Variants in DCP1B observed in about 807,000 individuals in gnomAD.
DCP1B encodes mRNA-decapping enzyme 1B.
DCP1B carries 47 observed loss-of-function variants against 60.5 expected under a neutral mutation model. That is an observed-to-expected ratio of 0.78 (90% CI 0.61 to 0.99). The LOEUF is 0.99. Ranked by LOEUF, DCP1B falls within the 50% of genes least tolerant of loss-of-function variation. The pLI is 0.00. For missense variants in DCP1B, 725 were observed against 756.8 expected (o/e 0.96, Z 0.49); for synonymous variants, 267 against 280.3 (o/e 0.95, Z 0.47).
intron 5 of DCP1B, among the ~76,000 whole-genome samples, chr12:1,959,221 A>G (rs2031030772): frequency 6.6e-6 from 1 of 152,260 alleles, no homozygotes; most frequent in Admixed American, 6.5e-5. Flanking sequence ...ACAGGCAACA[A>G]AAGCAAGAGA....
At chr12:1,970,405 A>T (rs2154457518) in intron 3 of DCP1B, among the ~76,000 whole-genome samples, 1 of 151,984 alleles carries the variant, frequency 6.6e-6, no homozygotes, top group Admixed American at 6.5e-5. Flanking sequence ...TTAAATAGCC[A>T]AAGGGGAAAA....
chr12:1,979,908 G>T (rs1233426001), intron 3 of DCP1B, among the ~76,000 whole-genome samples: 1 of 152,094 alleles, frequency 6.6e-6, no homozygotes, highest in Non-Finnish European at 1.5e-5. Flanking sequence ...ATGGTAAAAT[G>T]CAAATTAAAA....
Position 1,971,938 on chromosome 12 carries a change from T to C in DCP1B, c.320-4028A>G, listed in dbSNP as rs1031989302. Among the ~76,000 whole-genome samples the C allele has an allele frequency of 6.6e-6, 1 of 152,238 alleles. No homozygotes were observed. The highest frequency in any genetic ancestry group is 1.9e-4 in the East Asian group (1 of 5,206). On this transcript the variant is annotated intron_variant, in intron 3 of 8. Coordinates refer to ENST00000280665, the MANE Select transcript of DCP1B (RefSeq NM_152640.5). The surrounding 1 kb of genome is among the most constrained non-coding windows in gnomAD (Gnocchi z 4.2). Reference sequence around the variant, plus strand: ...GGACATGTGATAATGTTTGTGTAAATTTTTAAAAGAAGATATATATCCATT... The same window carrying C: ...GGACATGTGATAATGTTTGTGTAAACTTTTAAAAGAAGATATATATCCATT...
chr12:1,965,796 A>G, intron 4 of DCP1B, 103 bp from the exon 5 acceptor site: 1 of 1,337,162 alleles, frequency 7.5e-7, no homozygotes, highest in Admixed American at 3.4e-5. Context: ...TCCTGTTACA[A>G]CCATATTAGA....
rs142458598 is a variant in DCP1B, at chr12:1,949,276, A to G, written c.1583T>C (p.Met528Thr). The G allele has an allele frequency of 3.8e-4, 620 of 1,613,950 alleles. 1 individual carries two copies. The highest frequency in any genetic ancestry group is 5.1e-4 in the Non-Finnish European group (604 of 1,180,016). ...TAAPSLLMSP[M>T]VFAQPTSVPP... ...GACGGAGGTGGGTTGTGCGAACACC[A>G]TGGGGGACATAAGCAGAGACGGAGC... Residue 528 changes from methionine (M) to threonine (T), a missense_variant, in exon 8 of 9, where the codon ATG becomes ACG. Met to Thr is a moderately conservative substitution (Grantham distance 81). Coordinates refer to ENST00000280665, the MANE Select transcript of DCP1B (RefSeq NM_152640.5).
At chr12:1,985,388 A>G (rs957491166) in intron 3 of DCP1B, among the ~76,000 whole-genome samples, 1 of 152,134 alleles carries the variant, frequency 6.6e-6, no homozygotes, top group African/African-American at 2.4e-5. Context: ...TGTCATCTGC[A>G]TTTTGCTATT....
intron 7 of DCP1B, among the ~76,000 whole-genome samples, chr12:1,951,751 C>A (rs1720299920): frequency 6.6e-6 from 1 of 152,218 alleles, no homozygotes; most frequent in South Asian, 2.1e-4. Context: ...TATGTACCCA[C>A]ATGTAGACAA....
At chr12:1,988,740 T>G (rs1285563424) in intron 3 of DCP1B, among the ~76,000 whole-genome samples, 1 of 152,232 alleles carries the variant, frequency 6.6e-6, no homozygotes, top group Non-Finnish European at 1.5e-5. Context: ...GCAACTTTTA[T>G]GAAGATGGCC....
chr12:1,954,205 GA>G (rs2030796912), intron 6 of DCP1B, among the ~76,000 whole-genome samples: 1 of 150,158 alleles, frequency 6.7e-6, no homozygotes. Context: ...AAAGAGGAAA[GA>G]AAAAAAACCA....
chr12:1,946,005 C>T (rs188496340), downstream of DCP1B: 27 of 442,488 alleles, frequency 6.1e-5, no homozygotes, highest in South Asian at 9.7e-4. Flanking sequence ...ATGTTCTGTA[C>T]ATGTACCCCA....
In DCP1B at chr12:1,962,194, G is replaced by C. The variant is rs2031150404; in HGVS notation, c.522+3364C>G. On this transcript the variant is annotated intron_variant, in intron 5 of 8. Transcript: ENST00000280665. The surrounding 1 kb of genome is among the most constrained non-coding windows in gnomAD (Gnocchi z 4.4). ...TGTATGAGTGGTCCCCAGTTGCTGG[G>C]TACCTGGCCCTGGGATGATTAAGGC... 6.6e-6 allele frequency among the ~76,000 whole-genome samples: 1 copy of C among 152,172 alleles called. No homozygotes were observed. The highest frequency in any genetic ancestry group is 2.4e-5 in the African/African-American group (1 of 41,446).
At chr12:1,968,879 C>G (rs984326725) in intron 3 of DCP1B, among the ~76,000 whole-genome samples, 3 of 152,176 alleles carry the variant, frequency 2.0e-5, no homozygotes, top group African/African-American at 7.2e-5. Context: ...GCTATTGATT[C>G]ATTCAATAAT....
chr12:1,977,554 C>T (rs572393226), intron 3 of DCP1B, among the ~76,000 whole-genome samples: 2 of 152,182 alleles, frequency 1.3e-5, no homozygotes, highest in African/African-American at 2.4e-5. Flanking sequence ...CTGTACATGT[C>T]TATTTCTTAT....
rs151169288 is a variant in DCP1B at position 1,954,057 on chromosome 12, C to T, written c.652-769G>A. On this transcript the variant is annotated intron_variant, in intron 6 of 8. Coordinates refer to ENST00000280665, the MANE Select transcript of DCP1B (RefSeq NM_152640.5). Reference sequence around the variant, plus strand: ...AATTGCCAGATGTGGCAGCACACGCCTGTAGTCCCAGCTACTTGGGAGGCT... The same window carrying T: ...AATTGCCAGATGTGGCAGCACACGCTTGTAGTCCCAGCTACTTGGGAGGCT... Among the ~76,000 whole-genome samples, 831 of 152,240 alleles carry T rather than the reference C, an allele frequency of 5.5e-3. 8 individuals are homozygous for T. Among genetic ancestry groups the T allele is most frequent in the African/African-American group, 0.019 (770 of 41,544 alleles).
intron 8 of DCP1B, among the ~76,000 whole-genome samples, chr12:1,946,954 C>A (rs904157318): frequency 6.6e-6 from 1 of 152,130 alleles, no homozygotes; most frequent in South Asian, 2.1e-4. Flanking sequence ...CTTTGGCCTC[C>A]CCAAGTGTTG....
At chr12:1,966,425 T>C (rs1382853480) in intron 4 of DCP1B, among the ~76,000 whole-genome samples, 3 of 152,242 alleles carry the variant, frequency 2.0e-5, no homozygotes, top group Admixed American at 1.3e-4. Context: ...GAGGAAAATA[T>C]ACTTTCCCTT....
Position 1,953,114 on chromosome 12 carries a change from AGGACAG to A in DCP1B, c.820_825del (p.Leu274_Ser275del), listed in dbSNP as rs750644542. Reference sequence around the variant, plus strand: ...GGTGAGTGTCTTCTGGGTTCCTCATAGGACAGGGAGCGTACAACCCCCTGCCTAATT... The same window carrying A: ...GGTGAGTGTCTTCTGGGTTCCTCATAGGAGCGTACAACCCCCTGCCTAATT... On this transcript the variant is annotated inframe_deletion, in exon 7 of 9. Transcript: ENST00000280665. 3.1e-6 allele frequency: 5 copies of A among 1,614,082 alleles called. No homozygotes were observed. The highest frequency in any genetic ancestry group is 1.7e-5 in the Admixed American group (1 of 60,006).
At chr12:1,950,286 G>A in intron 7 of DCP1B, 1 of 702,180 alleles carries the variant, frequency 1.4e-6, no homozygotes, top group Non-Finnish European at 2.6e-6. Context: ...GCTGAGCAGT[G>A]ATGCTCCCGG....
At chr12:1,955,313 T>G in intron 6 of DCP1B, 119 bp downstream of exon 6, 1 of 1,207,768 alleles carries the variant, frequency 8.3e-7, no homozygotes, top group Non-Finnish European at 1.1e-6. Flanking sequence ...TCCCGCTTTC[T>G]TGGGTTTACC....
Sources: gnomAD v4.1 joint callset for allele counts (sites outside exome capture counted in the v4.1 genomes callset) on GRCh38, gnomAD v4.1.1 for gene constraint, Gnocchi (gnomAD v3.1) non-coding constraint, MANE v1.5 for transcripts, NCBI Gene and HGNC (gene_info 2026-07-23, HGNC 2026-07-21) for gene names.